The following PLEKHD1 variants were observed in gnomAD, a reference collection of about 807,000 sequenced individuals.
The protein encoded by PLEKHD1 is pleckstrin homology domain-containing family D member 1.
A neutral mutation model predicts 69.2 loss-of-function variants in PLEKHD1; 51 were observed. That is an observed-to-expected ratio of 0.74 (90% CI 0.59 to 0.93). The LOEUF is 0.93. PLEKHD1 is among the 40% of genes least tolerant of loss of function. The probability of loss-of-function intolerance (pLI) is 0.00; values close to 1 mark genes in which losing one functional copy is unlikely to be tolerated. For missense variants in PLEKHD1, 584 were observed against 641.0 expected (o/e 0.91, Z 0.96); for synonymous variants, 236 against 244.7 (o/e 0.96, Z 0.33).
In PLEKHD1 at chr14:69,525,864, C is replaced by A. The variant is rs577833732; in HGVS notation, c.745-80C>A. ...CTGAGAGAGGAGTGGGTCACTCCCCCAAACGGAAAAGCAGGTGAGGGCAGC... is the reference window on the plus strand; with the variant it reads ...CTGAGAGAGGAGTGGGTCACTCCCCAAAACGGAAAAGCAGGTGAGGGCAGC... On this transcript the variant is annotated intron_variant, in intron 8 of 12. Coordinates refer to ENST00000322564, the MANE Select transcript of PLEKHD1 (RefSeq NM_001161498.2). The A allele has an allele frequency of 1.8e-4, 241 of 1,373,158 alleles. 4 individuals are homozygous for A. The South Asian group carries it at 3.2e-3, about 18-fold the overall frequency. 85.1% of individuals were successfully genotyped at this position (1,373,158 alleles called of 1,614,324 possible).
chr14:69,478,937 G>T, the PLEKHD1 span, among the ~76,000 whole-genome samples: 1 of 152,178 alleles, frequency 6.6e-6, no homozygotes, highest in Non-Finnish European at 1.5e-5. Flanking sequence ...TTTTGAGTGC[G>T]GACAGGGCCA....
chr14:69,524,450 G>T, intron 8 of PLEKHD1, 128 bp downstream of exon 8: 1 of 760,968 alleles, frequency 1.3e-6, no homozygotes, highest in South Asian at 1.7e-5. Context: ...GAGGGGTGCT[G>T]ATCTAAAGGG....
chr14:69,508,955 A>G (rs914768097), intron 6 of PLEKHD1, among the ~76,000 whole-genome samples: 4 of 152,212 alleles, frequency 2.6e-5, no homozygotes, highest in African/African-American at 7.2e-5. Flanking sequence ...TTCTACATTC[A>G]TGATAAACAG....
At chr14:69,507,619 T>C (rs897911226) in intron 6 of PLEKHD1, among the ~76,000 whole-genome samples, 11 of 152,254 alleles carry the variant, frequency 7.2e-5, no homozygotes, top group African/African-American at 2.4e-4. Context: ...CATTTTGTAT[T>C]TGCAGTAGCA....
At chr14:69,488,443 C>T (rs1282839843) in intron 1 of PLEKHD1, among the ~76,000 whole-genome samples, 2 of 152,158 alleles carry the variant, frequency 1.3e-5, no homozygotes, top group Non-Finnish European at 2.9e-5. Context: ...GGTTTGGTCT[C>T]ACTTTCTGGC....
chr14:69,524,677 G>A (rs541340701), intron 8 of PLEKHD1, among the ~76,000 whole-genome samples: 8 of 152,260 alleles, frequency 5.3e-5, no homozygotes, highest in East Asian at 3.9e-4. Context: ...TGTCTTGTTC[G>A]CTTAGCTGCT....
chr14:69,519,838 G>A (rs1341787674), intron 6 of PLEKHD1, among the ~76,000 whole-genome samples: 2 of 152,190 alleles, frequency 1.3e-5, no homozygotes, highest in Non-Finnish European at 2.9e-5. Context: ...GTGATCATTT[G>A]TGAAGCGGCA....
At chr14:69,496,086 T>G (rs1362453860) in intron 1 of PLEKHD1, among the ~76,000 whole-genome samples, 2 of 152,212 alleles carry the variant, frequency 1.3e-5, no homozygotes, top group East Asian at 3.9e-4. Context: ...GACAGTTATT[T>G]GTACCCGCAT....
the PLEKHD1 span, among the ~76,000 whole-genome samples, chr14:69,474,712 C>G: frequency 6.6e-6 from 1 of 152,334 alleles, no homozygotes; most frequent in East Asian, 1.9e-4. Context: ...ACTGCAATCC[C>G]CATGGCCGTG....
chr14:69,484,854 T>C lies in PLEKHD1; in HGVS notation c.-112T>C. The C allele has an allele frequency of 3.8e-6, 5 of 1,317,892 alleles. No individual in the cohort carries two copies. The highest frequency in any genetic ancestry group is 5.1e-5 in the East Asian group (2 of 39,292). The allele number at this position is 1,317,892 out of a possible 1,614,324, so 81.6% of individuals were successfully genotyped here. On this transcript the variant is annotated 5_prime_UTR_variant, in exon 1 of 13. Coordinates refer to ENST00000322564, the MANE Select transcript of PLEKHD1 (RefSeq NM_001161498.2). ...GCAGCTCCGGGCCGGGCCGCTCTGCTTCTCTGCTCGCTGGGACGCTCTCCG... is the reference window on the plus strand; with the variant it reads ...GCAGCTCCGGGCCGGGCCGCTCTGCCTCTCTGCTCGCTGGGACGCTCTCCG...
chr14:69,518,341 C>G (rs1490573127), intron 6 of PLEKHD1, among the ~76,000 whole-genome samples: 1 of 152,064 alleles, frequency 6.6e-6, no homozygotes, highest in Non-Finnish European at 1.5e-5. Context: ...TCTCCCGGCC[C>G]TGATTTTATT....
At chr14:69,525,840 TGA>T (rs2139532621) in intron 8 of PLEKHD1, 102 bp from the exon 9 acceptor site, 5 of 1,101,790 alleles carry the variant, frequency 4.5e-6, no homozygotes, top group Non-Finnish European at 3.9e-6. Flanking sequence ...CATAGAGGAC[TGA>T]GAGAGGAGTG....
intron 1 of PLEKHD1, among the ~76,000 whole-genome samples, chr14:69,495,842 C>A (rs1342313726): frequency 1.3e-5 from 2 of 152,236 alleles, no homozygotes; most frequent in African/African-American, 2.4e-5. Context: ...TTCCCCCTAA[C>A]CTGCTTTATT....
the PLEKHD1 span, among the ~76,000 whole-genome samples, chr14:69,472,487 C>G: frequency 6.6e-6 from 1 of 152,150 alleles, no homozygotes; most frequent in Non-Finnish European, 1.5e-5. Flanking sequence ...TTTTCGGTAA[C>G]GTTAATCACC....
chr14:69,510,445 T>C (rs1883245589), intron 6 of PLEKHD1, among the ~76,000 whole-genome samples: 1 of 152,148 alleles, frequency 6.6e-6, no homozygotes, highest in Non-Finnish European at 1.5e-5. Context: ...TGGAGGGTGC[T>C]AATGTCAATG....
chr14:69,491,624 A>G (rs1213823270), intron 1 of PLEKHD1, among the ~76,000 whole-genome samples: 2 of 152,196 alleles, frequency 1.3e-5, no homozygotes, highest in African/African-American at 4.8e-5. Context: ...CCTTTGTTTA[A>G]CAGGACCTGC....
the PLEKHD1 span, among the ~76,000 whole-genome samples, chr14:69,474,168 C>T: frequency 1.3e-5 from 2 of 152,072 alleles, no homozygotes; most frequent in Non-Finnish European, 1.5e-5. Context: ...GAGAAGTGGG[C>T]GAGCAATTTC....
intron 6 of PLEKHD1, among the ~76,000 whole-genome samples, chr14:69,506,506 C>T (rs1455000875): frequency 2.0e-5 from 3 of 152,218 alleles, no homozygotes; most frequent in Admixed American, 6.5e-5. Flanking sequence ...AAGAAACATA[C>T]AGGTGAAGTG....
chr14:69,488,068 T>C (rs1321184201), intron 1 of PLEKHD1, among the ~76,000 whole-genome samples: 1 of 152,160 alleles, frequency 6.6e-6, no homozygotes, highest in Non-Finnish European at 1.5e-5. Context: ...GGGTAGCCAG[T>C]AGGGCCTGAA....
Sources: gnomAD v4.1 joint callset for allele counts (sites outside exome capture counted in the v4.1 genomes callset) on GRCh38, gnomAD v4.1.1 for gene constraint, MANE v1.5 for transcripts, NCBI Gene and HGNC (gene_info 2026-07-23, HGNC 2026-07-21) for gene names.